The following VPS13D variants were observed in gnomAD, a reference collection of about 807,000 sequenced individuals.
VPS13D encodes intermembrane lipid transfer protein VPS13D.
Under a neutral mutation model 461.9 loss-of-function variants are expected in VPS13D, and 187 were observed. That is an observed-to-expected ratio of 0.40 (90% CI 0.36 to 0.46). The LOEUF is 0.46. Among genes scored for constraint, VPS13D ranks in the 20% least tolerant of loss-of-function variants. The pLI is 0.60. For missense variants in VPS13D, 4,711 were observed against 5,364.9 expected, an observed-to-expected ratio of 0.88 and a Z score of 3.81; for synonymous variants, 1,951 against 1,986.3, an observed-to-expected ratio of 0.98 and a Z score of 0.47.
intron 56 of VPS13D, among the ~76,000 whole-genome samples, chr1:12,379,247 G>GT (rs2101642881): frequency 6.6e-6 from 1 of 152,346 alleles, no homozygotes; most frequent in African/African-American, 2.4e-5. Context: ...ATTACTGTGT[G>GT]TTATGAAATC....
intron 13 of VPS13D, among the ~76,000 whole-genome samples, 176 bp from the exon 14 acceptor site, chr1:12,266,705 C>T (rs553514275): frequency 2.0e-5 from 3 of 152,094 alleles, no homozygotes; most frequent in Admixed American, 6.5e-5. Context: ...GAACCAAACC[C>T]GCAATATCTC....
chr1:12,271,079 A>G lies in VPS13D; in HGVS notation c.2058A>G (p.Ala686=), dbSNP rs1282118514. 1 of 1,613,970 alleles carries G rather than the reference A, an allele frequency of 6.2e-7. No individual in the cohort carries two copies. The highest frequency in any genetic ancestry group is 1.3e-5 in the African/African-American group (1 of 74,910). Reference sequence around the variant, plus strand: ...ACAAGCTGAAGATGCAGACCAAGGCAGAAATCCGGCAAACTCTTGATCGTT... The same window carrying G: ...ACAAGCTGAAGATGCAGACCAAGGCGGAAATCCGGCAAACTCTTGATCGTT... ...QYNKLKMQTK[A]EIRQTLDRLL... The change falls in exon 17 of 70, where the codon GCA becomes GCG. Residue 686 remains alanine (A), a synonymous_variant. Transcript: ENST00000620676.
intron 67 of VPS13D, 78 bp from the exon 68 acceptor site, chr1:12,497,422 T>G: frequency 6.6e-7 from 1 of 1,522,716 alleles, no homozygotes; most frequent in Non-Finnish European, 8.9e-7. Context: ...TACAGAGTGC[T>G]TTTGTCTTAG....
chr1:12,408,209 T>C (rs552157055), intron 63 of VPS13D, among the ~76,000 whole-genome samples: 2 of 152,348 alleles, frequency 1.3e-5, no homozygotes, highest in African/African-American at 2.4e-5. Context: ...GCTTTCTACC[T>C]AATAGGTAGT....
At chr1:12,297,699 A>G (rs1642313859) in intron 24 of VPS13D, among the ~76,000 whole-genome samples, 1 of 152,204 alleles carries the variant, frequency 6.6e-6, no homozygotes, top group African/African-American at 2.4e-5. Context: ...TCATTTCTTC[A>G]GTAATTTAGG....
At chr1:12,451,595 CCTT>C (rs1454056435) in intron 65 of VPS13D, among the ~76,000 whole-genome samples, 1 of 152,220 alleles carries the variant, frequency 6.6e-6, no homozygotes, top group Non-Finnish European at 1.5e-5. Context: ...TGCAAATGCT[CCTT>C]CTGGTGTTAA....
chr1:12,365,441 C>T (rs914929153), intron 52 of VPS13D, among the ~76,000 whole-genome samples: 1 of 152,152 alleles, frequency 6.6e-6, no homozygotes, highest in African/African-American at 2.4e-5. Context: ...CATGGTGGCT[C>T]ACGCCTGTAA....
chr1:12,409,065 C>CT (rs1173481041), intron 63 of VPS13D, among the ~76,000 whole-genome samples: 2 of 151,582 alleles, frequency 1.3e-5, no homozygotes, highest in Non-Finnish European at 2.9e-5. Context: ...AGCTTTTTGT[C>CT]TTTTTACTTT....
chr1:12,459,188 TGCCA>T (rs1350136523), intron 66 of VPS13D, among the ~76,000 whole-genome samples: 1 of 152,178 alleles, frequency 6.6e-6, no homozygotes, highest in Non-Finnish European at 1.5e-5. Context: ...TTTCACGAAG[TGCCA>T]GAAAGCAAAA....
chr1:12,297,383 T>C (rs1642306246), intron 24 of VPS13D, among the ~76,000 whole-genome samples: 1 of 152,220 alleles, frequency 6.6e-6, no homozygotes, highest in African/African-American at 2.4e-5. Context: ...CCACTTTACA[T>C]GTAACCTCTT....
intron 43 of VPS13D, 88 bp from the exon 44 acceptor site, chr1:12,346,517 C>G: frequency 7.3e-7 from 1 of 1,370,342 alleles, no homozygotes; most frequent in South Asian, 1.3e-5. Context: ...CAAACACGAC[C>G]CTTTGAAGAA....
intron 25 of VPS13D, among the ~76,000 whole-genome samples, chr1:12,301,688 C>G (rs1642429177): frequency 6.6e-6 from 1 of 152,190 alleles, no homozygotes; most frequent in Non-Finnish European, 1.5e-5. Flanking sequence ...CAATCTCTAG[C>G]CCCGCTGCTC....
rs1643431947 is a variant in VPS13D at position 12,335,615 on chromosome 1, A to G, written c.8429-90A>G. ...GGCCAGGCATGTAATGAGACACTCA[A>G]TAAAAGCTTGTTTTGCTGAATTGAA... On this transcript the variant is annotated intron_variant, in intron 38 of 69. Coordinates refer to ENST00000620676, the MANE Select transcript of VPS13D (RefSeq NM_015378.4). 5 of 1,498,220 alleles carry G rather than the reference A, an allele frequency of 3.3e-6. No individual in the cohort carries two copies. The Admixed American group carries it at 6.3e-5, about 19-fold the overall frequency. The allele number at this position is 1,498,220 out of a possible 1,614,324, so 92.8% of individuals were successfully genotyped here.
At chr1:12,458,299 C>T (rs1173013155) in intron 66 of VPS13D, among the ~76,000 whole-genome samples, 1 of 152,132 alleles carries the variant, frequency 6.6e-6, no homozygotes, top group African/African-American at 2.4e-5. Flanking sequence ...GGGAATTGTG[C>T]TCAGTTCTCT....
intron 65 of VPS13D, among the ~76,000 whole-genome samples, chr1:12,425,432 G>A (rs1644912855): frequency 6.6e-6 from 1 of 152,070 alleles, no homozygotes; most frequent in Non-Finnish European, 1.5e-5. Flanking sequence ...GGTGGTGCAT[G>A]CCTGTAATCC....
chr1:12,435,127 T>C (rs1012645097), intron 65 of VPS13D, among the ~76,000 whole-genome samples: 1 of 152,130 alleles, frequency 6.6e-6, no homozygotes, highest in Admixed American at 6.5e-5. Context: ...ACAGAAAACA[T>C]GGGATAGACA....
rs1436479178 is a variant in VPS13D, at chr1:12,276,941, C to T, written c.3353C>T (p.Thr1118Met). ...NNLDIILNPE[T>M]IVELIGFLQK... ...TTAGATATTATCCTCAATCCAGAGA[C>T]GATTGTGGAGCTAATTGGTTTTCTT... The change falls in exon 19 of 70, where the codon ACG (threonine) becomes ATG (methionine). Residue 1118 changes from threonine (T) to methionine (M), a missense_variant. This residue lies in a region of VPS13D where 4,411 missense variants were observed against 4,937.8 expected (regional missense o/e 0.89). Coordinates refer to ENST00000620676, the MANE Select transcript of VPS13D (RefSeq NM_015378.4). The surrounding 1 kb of genome is among the most constrained non-coding windows in gnomAD (Gnocchi z 4.5). The T allele has an allele frequency of 5.0e-6, 8 of 1,614,126 alleles. No homozygotes were observed. Among genetic ancestry groups the T allele is most frequent in the East Asian group, 2.2e-5 (1 of 44,878 alleles).
chr1:12,393,957 C>T (rs1486007619), intron 60 of VPS13D, among the ~76,000 whole-genome samples: 1 of 152,202 alleles, frequency 6.6e-6, no homozygotes, highest in Non-Finnish European at 1.5e-5. Flanking sequence ...TGGAGGGCAA[C>T]AATGACATTT....
At chr1:12,280,498 T>C (rs1006718947) in intron 20 of VPS13D, among the ~76,000 whole-genome samples, 1 of 151,406 alleles carries the variant, frequency 6.6e-6, no homozygotes, top group Non-Finnish European at 1.5e-5. Context: ...TATGTTGACT[T>C]ACTTTTTTTT....
Sources: gnomAD v4.1 joint callset for allele counts (sites outside exome capture counted in the v4.1 genomes callset) on GRCh38, gnomAD v4.1.1 for gene constraint, gnomAD v4.1.1 regional missense constraint, Gnocchi (gnomAD v3.1) non-coding constraint, MANE v1.5 for transcripts, NCBI Gene and HGNC (gene_info 2026-07-23, HGNC 2026-07-21) for gene names.